The following SLIT2 variants were observed in gnomAD, a reference collection of about 807,000 sequenced individuals.
The protein encoded by SLIT2 is slit homolog 2 protein.
A neutral mutation model predicts 185.7 loss-of-function variants in SLIT2; 41 were observed. The observed-to-expected ratio is 0.22, with a 90% CI of 0.17 to 0.29. SLIT2 has a LOEUF of 0.29. Ranked by LOEUF, SLIT2 falls within the 10% of genes least tolerant of loss-of-function variation. The pLI, the probability that SLIT2 is intolerant of heterozygous loss-of-function variation, is 1.00. For missense variants in SLIT2, 1,571 were observed against 1,909.0 expected, an observed-to-expected ratio of 0.82 and a Z score of 3.30; for synonymous variants, 693 against 680.2, an observed-to-expected ratio of 1.02 and a Z score of -0.29.
chr4:20,602,584 C>T (rs892392046), intron 33 of SLIT2, among the ~76,000 whole-genome samples: 1 of 152,108 alleles, frequency 6.6e-6, no homozygotes, highest in South Asian at 2.1e-4. Flanking sequence ...AGGCGTTGGG[C>T]ACCACCCCTA....
chr4:20,472,347 GAT>G (rs1560453363), intron 5 of SLIT2, among the ~76,000 whole-genome samples: 1 of 19,328 alleles, frequency 5.2e-5, no homozygotes, highest in Non-Finnish European at 9.4e-5. Flanking sequence ...TCTATATATA[GAT>G]ATAGATATCT....
intron 4 of SLIT2, among the ~76,000 whole-genome samples, chr4:20,377,293 C>T (rs1724102230): frequency 6.6e-6 from 1 of 152,016 alleles, no homozygotes; most frequent in Non-Finnish European, 1.5e-5. Context: ...CTCTCAGGTA[C>T]AATTGAAAGA....
At chr4:20,590,107 G>GT (rs1560220155) in intron 30 of SLIT2, among the ~76,000 whole-genome samples, 1 of 151,736 alleles carries the variant, frequency 6.6e-6, no homozygotes, top group East Asian at 1.9e-4. Flanking sequence ...GGGTTTCACC[G>GT]TGTTAGCCAG....
chr4:20,339,945 T>C (rs1372802266), intron 4 of SLIT2, among the ~76,000 whole-genome samples: 1 of 152,246 alleles, frequency 6.6e-6, no homozygotes, highest in Non-Finnish European at 1.5e-5. Flanking sequence ...AGGATCATTC[T>C]AATTGCCTTT....
chr4:20,289,093 G>T (rs1347248958), intron 4 of SLIT2, among the ~76,000 whole-genome samples: 1 of 152,206 alleles, frequency 6.6e-6, no homozygotes, highest in African/African-American at 2.4e-5. Context: ...GAAAGGTGGG[G>T]CAGGGGGTGC....
chr4:20,585,283 A>G (rs543734024), intron 29 of SLIT2, among the ~76,000 whole-genome samples: 9 of 152,356 alleles, frequency 5.9e-5, no homozygotes, highest in South Asian at 4.1e-4. Flanking sequence ...TCGCCAAAAC[A>G]TACACAACCA....
intron 3 of SLIT2, among the ~76,000 whole-genome samples, chr4:20,261,293 G>A (rs925547393): frequency 2.0e-5 from 3 of 151,712 alleles, no homozygotes; most frequent in Admixed American, 6.6e-5. Context: ...ATGGAAATTC[G>A]GATAAAAAAG....
rs774811823 is a variant in SLIT2 at position 20,253,986 on chromosome 4, C to T, written c.171C>T (p.Thr57=). 1.9e-6 allele frequency: 3 copies of T among 1,602,714 alleles called. No individual in the cohort carries two copies. Among genetic ancestry groups the T allele is most frequent in the South Asian group, 1.1e-5 (1 of 91,016 alleles). Residue 57 remains threonine (T), a synonymous_variant, in exon 1 of 37, where the codon ACC becomes ACT. Coordinates refer to ENST00000504154, the MANE Select transcript of SLIT2 (RefSeq NM_004787.4). ...RSVPRNIPRN[T]ERLDLNGNNI... is the part of the protein sequence containing the mutation. ...TGCCCAGGAATATCCCCCGCAACAC[C>T]GAGAGACTGTGAGTATGCGCTCTTC... is the stretch of plus-strand genomic sequence containing the variant.
intron 4 of SLIT2, among the ~76,000 whole-genome samples, chr4:20,318,315 A>G (rs1378508620): frequency 2.6e-5 from 4 of 152,188 alleles, no homozygotes; most frequent in African/African-American, 7.2e-5. Flanking sequence ...GGCCTAGCTT[A>G]ACATTAGACT....
At chr4:20,523,439 T>G (rs1464063328) in intron 12 of SLIT2, among the ~76,000 whole-genome samples, 4 of 152,200 alleles carry the variant, frequency 2.6e-5, no homozygotes, top group Non-Finnish European at 4.4e-5. Flanking sequence ...ATTTTTATGG[T>G]GTCCTTGCCA....
intron 4 of SLIT2, among the ~76,000 whole-genome samples, chr4:20,459,300 A>G (rs1713436167): frequency 6.6e-6 from 1 of 152,228 alleles, no homozygotes; most frequent in Non-Finnish European, 1.5e-5. Flanking sequence ...TCAAGAAGCA[A>G]CAGTCAAGGT....
intron 21 of SLIT2, 114 bp downstream of exon 21, chr4:20,542,740 G>T: frequency 8.8e-7 from 1 of 1,136,118 alleles, no homozygotes; most frequent in East Asian, 2.4e-5. Context: ...ATATTCTAAG[G>T]CCAGTTAATT....
chr4:20,603,538 A>C (rs1161853210), intron 33 of SLIT2, among the ~76,000 whole-genome samples: 1 of 152,214 alleles, frequency 6.6e-6, no homozygotes, highest in Non-Finnish European at 1.5e-5. Context: ...TTTTTTTAAC[A>C]AAAGTTATTA....
intron 4 of SLIT2, among the ~76,000 whole-genome samples, chr4:20,286,147 G>T (rs1010240626): frequency 2.0e-5 from 3 of 152,190 alleles, no homozygotes; most frequent in Admixed American, 6.5e-5. Context: ...CTGTTCTGGG[G>T]ATAAGAGGGT....
chr4:20,448,963 C>G (rs1712150136), intron 4 of SLIT2, among the ~76,000 whole-genome samples: 1 of 152,130 alleles, frequency 6.6e-6, no homozygotes, highest in South Asian at 2.1e-4. Flanking sequence ...AGAGTTACTT[C>G]TACTTCAAGA....
intron 4 of SLIT2, among the ~76,000 whole-genome samples, chr4:20,393,018 A>G (rs537649346): frequency 1.3e-5 from 2 of 152,220 alleles, no homozygotes; most frequent in Admixed American, 1.3e-4. Flanking sequence ...AGATTTTTAT[A>G]TCACTGGTGG....
intron 4 of SLIT2, among the ~76,000 whole-genome samples, chr4:20,326,668 C>T (rs1486429899): frequency 6.8e-6 from 1 of 146,130 alleles, no homozygotes; most frequent in African/African-American, 2.5e-5. Flanking sequence ...TATTCTGAGT[C>T]TTCTTGGAAT....
intron 4 of SLIT2, among the ~76,000 whole-genome samples, chr4:20,364,710 A>G (rs1722978207): frequency 8.3e-6 from 1 of 120,162 alleles, no homozygotes; most frequent in African/African-American, 3.1e-5. Flanking sequence ...GTTTTCAGTG[A>G]TCTAATTACT....
At chr4:20,409,900 C>T (rs1279973362) in intron 4 of SLIT2, among the ~76,000 whole-genome samples, 1 of 151,968 alleles carries the variant, frequency 6.6e-6, no homozygotes, top group African/African-American at 2.4e-5. Flanking sequence ...TGTCCTTTGA[C>T]CACTTTTTAA....
Sources: gnomAD v4.1 joint callset for allele counts (sites outside exome capture counted in the v4.1 genomes callset) on GRCh38, gnomAD v4.1.1 for gene constraint, MANE v1.5 for transcripts, NCBI Gene and HGNC (gene_info 2026-07-23, HGNC 2026-07-21) for gene names.